The following ARHGEF4 variants were observed in gnomAD, a reference collection of about 807,000 sequenced individuals.
ARHGEF4 encodes the protein APC-stimulated guanine nucleotide exchange factor 1.
A neutral mutation model predicts 162.0 loss-of-function variants in ARHGEF4; 119 were observed. That is an observed-to-expected ratio of 0.73 (90% CI 0.63 to 0.86). The LOEUF (loss-of-function observed/expected upper bound fraction) is 0.86, where lower values mean the gene tolerates loss of function less well. Among genes scored for constraint, ARHGEF4 ranks in the 40% least tolerant of loss-of-function variants. The probability of loss-of-function intolerance (pLI) is 0.00; values close to 1 mark genes in which losing one functional copy is unlikely to be tolerated. For missense variants in ARHGEF4, 2,488 were observed against 2,456.0 expected, an observed-to-expected ratio of 1.01 and a Z score of -0.28; for synonymous variants, 1,014 against 979.9, an observed-to-expected ratio of 1.03 and a Z score of -0.65.
chr2:130,913,886 T>C, intron 1 of ARHGEF4, 100 bp from the exon 2 acceptor site: 2 of 1,423,066 alleles, frequency 1.4e-6, no homozygotes, highest in Admixed American at 4.2e-5. Flanking sequence ...AATGAGCCAT[T>C]TCTGAGCCTT....
At chr2:130,895,963 ACTTAG>A (rs1680128942) in intron 1 of ARHGEF4, among the ~76,000 whole-genome samples, 1 of 152,110 alleles carries the variant, frequency 6.6e-6, no homozygotes, top group Admixed American at 6.6e-5. Context: ...TAGTCCTAGC[ACTTAG>A]CTATATGATA....
intron 4 of ARHGEF4, among the ~76,000 whole-genome samples, chr2:131,015,350 G>C (rs147933515): frequency 6.6e-6 from 1 of 152,294 alleles, no homozygotes; most frequent in African/African-American, 2.4e-5. Context: ...ACTAAATGTA[G>C]TATTGGATCC....
At chr2:130,955,611 A>T (rs1684219972) in intron 4 of ARHGEF4, among the ~76,000 whole-genome samples, 1 of 152,076 alleles carries the variant, frequency 6.6e-6, no homozygotes, top group African/African-American at 2.4e-5. Context: ...TGACCACACC[A>T]CACTGTTAAG....
chr2:130,907,668 T>C (rs995320665), intron 1 of ARHGEF4, among the ~76,000 whole-genome samples: 4 of 151,986 alleles, frequency 2.6e-5, no homozygotes, highest in African/African-American at 4.8e-5. Flanking sequence ...ATTTTGTATA[T>C]TGAGTCCAGG....
chr2:131,030,975 G>T (rs1357127981), intron 5 of ARHGEF4, among the ~76,000 whole-genome samples: 1 of 152,226 alleles, frequency 6.6e-6, no homozygotes, highest in Non-Finnish European at 1.5e-5. Flanking sequence ...TTTGCTGGGG[G>T]TTAGCGTGAC....
chr2:130,936,060 C>T (rs1001221395), intron 3 of ARHGEF4, among the ~76,000 whole-genome samples: 19 of 151,512 alleles, frequency 1.3e-4, no homozygotes. Context: ...AGTGAAACTC[C>T]ACCTCAAAAA....
At chr2:130,978,806 A>AT (rs1381567619) in intron 4 of ARHGEF4, among the ~76,000 whole-genome samples, 2 of 152,200 alleles carry the variant, frequency 1.3e-5, no homozygotes, top group African/African-American at 4.8e-5. Flanking sequence ...AATCAGCAAT[A>AT]TTTCAAACAA....
intron 1 of ARHGEF4, among the ~76,000 whole-genome samples, chr2:130,842,203 C>T (rs1468709819): frequency 6.6e-6 from 1 of 152,188 alleles, no homozygotes; most frequent in Non-Finnish European, 1.5e-5. Context: ...CAGCCTGAAG[C>T]AGCCAGAGAG....
At chr2:130,866,212 CA>C (rs199814779) in intron 1 of ARHGEF4, among the ~76,000 whole-genome samples, 1 of 150,926 alleles carries the variant, frequency 6.6e-6, no homozygotes, top group Non-Finnish European at 1.5e-5. Context: ...CTCTAGAGAC[CA>C]AAAAAAAATT....
At chr2:130,967,993 C>G (rs981204864) in intron 4 of ARHGEF4, among the ~76,000 whole-genome samples, 12 of 152,246 alleles carry the variant, frequency 7.9e-5, no homozygotes, top group Admixed American at 7.2e-4. Flanking sequence ...CCTTGGTGTT[C>G]AGGGTGGAGG....
In ARHGEF4 at chr2:130,837,005, G is replaced by C. The variant is rs2104838363; in HGVS notation, c.39+13G>C. 1 of 1,227,104 alleles carries C rather than the reference G, an allele frequency of 8.1e-7. No individual in the cohort carries two copies. Among genetic ancestry groups the C allele is most frequent in the East Asian group, 3.2e-5 (1 of 31,396 alleles). 76.0% of individuals were successfully genotyped at this position (1,227,104 alleles called of 1,614,324 possible). On this transcript the variant is annotated intron_variant, in intron 1 of 13. Coordinates refer to ENST00000409359, the MANE Select transcript of ARHGEF4 (RefSeq NM_001367493.1). Reference sequence around the variant, plus strand: ...GAGCTTCTTCAAGGTGAGAGCCGGCGTCCGGGACTTGCGGTCGGGCTCCCG... The same window carrying C: ...GAGCTTCTTCAAGGTGAGAGCCGGCCTCCGGGACTTGCGGTCGGGCTCCCG...
At chr2:130,941,697 A>T (rs1683309103) in intron 3 of ARHGEF4, among the ~76,000 whole-genome samples, 1 of 152,176 alleles carries the variant, frequency 6.6e-6, no homozygotes, top group Admixed American at 6.6e-5. Context: ...GGGAAGAGAA[A>T]ATATATTTAC....
intron 1 of ARHGEF4, among the ~76,000 whole-genome samples, chr2:130,864,327 C>T (rs962586994): frequency 1.3e-5 from 2 of 152,034 alleles, no homozygotes; most frequent in Admixed American, 6.5e-5. Context: ...ATAGGAAATA[C>T]CCAGGATCAG....
Position 130,966,037 on chromosome 2 carries a change from C to A in ARHGEF4, c.3985+19402C>A, listed in dbSNP as rs116545190. 1.9e-3 allele frequency among the ~76,000 whole-genome samples: 283 copies of A among 152,298 alleles called. 3 individuals are homozygous for A. The highest frequency in any genetic ancestry group is 6.5e-3 in the African/African-American group (269 of 41,552). On this transcript the variant is annotated intron_variant, in intron 4 of 13. Transcript: ENST00000409359. The stretch of plus-strand genomic sequence containing the variant: ...CCAGAAACGAATGTTGTGCCCCTCA[C>A]AGACACTGCACCACTAAGGGTAGGC...
intron 1 of ARHGEF4, among the ~76,000 whole-genome samples, chr2:130,909,802 T>C (rs1438819612): frequency 6.6e-6 from 1 of 152,050 alleles, no homozygotes; most frequent in Non-Finnish European, 1.5e-5. Context: ...AACTTCTGAT[T>C]CCAGAATCAC....
chr2:131,039,301 G>A (rs996307578), intron 6 of ARHGEF4: 22 of 1,255,362 alleles, frequency 1.8e-5, no homozygotes, highest in East Asian at 7.1e-5. Context: ...CGATACCCCC[G>A]CAACTCCAGG....
At chr2:130,875,301 C>G (rs1050446167) in intron 1 of ARHGEF4, among the ~76,000 whole-genome samples, 6 of 152,168 alleles carry the variant, frequency 3.9e-5, no homozygotes, top group African/African-American at 1.4e-4. Context: ...CGATATCACT[C>G]TTTTCCATCT....
intron 4 of ARHGEF4, among the ~76,000 whole-genome samples, chr2:131,006,428 G>A (rs1426075636): frequency 6.6e-6 from 1 of 152,214 alleles, no homozygotes; most frequent in Non-Finnish European, 1.5e-5. Context: ...ATCCCTGCCC[G>A]TGGGAGTCAC....
At chr2:130,852,354 A>G (rs1681467812) in intron 1 of ARHGEF4, among the ~76,000 whole-genome samples, 1 of 152,182 alleles carries the variant, frequency 6.6e-6, no homozygotes, top group Non-Finnish European at 1.5e-5. Context: ...AGCCGAGAGG[A>G]TGGACAGGTG....
Sources: gnomAD v4.1 joint callset for allele counts (sites outside exome capture counted in the v4.1 genomes callset) on GRCh38, gnomAD v4.1.1 for gene constraint, MANE v1.5 for transcripts, NCBI Gene and HGNC (gene_info 2026-07-23, HGNC 2026-07-21) for gene names.